Variants in ASRGL1 observed in about 807,000 individuals in gnomAD.
The protein encoded by ASRGL1 is isoaspartyl peptidase/L-asparaginase.
ASRGL1 carries 16 observed loss-of-function variants against 22.4 expected under a neutral mutation model. The observed-to-expected ratio is 0.71, with a 90% confidence interval of 0.48 to 1.08. The LOEUF (loss-of-function observed/expected upper bound fraction) is 1.08. Ranked by LOEUF, ASRGL1 falls within the 50% of genes least tolerant of loss-of-function variation. ASRGL1 has a pLI of 0.00. For missense variants in ASRGL1, 412 were observed against 410.1 expected, an observed-to-expected ratio of 1.00 and a Z score of -0.04; for synonymous variants, 165 against 159.3, an observed-to-expected ratio of 1.04 and a Z score of -0.27.
At chr11:62,375,084 G>A (rs1946878357) in intron 4 of ASRGL1, among the ~76,000 whole-genome samples, 1 of 152,006 alleles carries the variant, frequency 6.6e-6, no homozygotes, top group Non-Finnish European at 1.5e-5. Flanking sequence ...AAACCCGGCA[G>A]CCAGCCTCTT....
rs1035114953 is a variant in ASRGL1, at chr11:62,371,596, A to G, written c.491+14452A>G. The G allele has an allele frequency of 1.6e-5, 11 of 671,862 alleles. No homozygotes were observed. The African/African-American group carries it at 1.8e-4, about 11-fold the overall frequency. 41.6% of individuals were successfully genotyped at this position (671,862 alleles called of 1,614,324 possible). A position where few individuals can be genotyped will look rare whatever the true frequency, so the allele number is the denominator to read the frequency against. ...GGAAGGCCACAGGGACTTCCTCACA[A>G]AGTGCAAAGGGGAGCTTTTGATTTT... On this transcript the variant is annotated intron_variant, in intron 4 of 6. Transcript: ENST00000415229.
At chr11:62,378,632 G>A (rs1946988432) in intron 4 of ASRGL1, among the ~76,000 whole-genome samples, 1 of 152,188 alleles carries the variant, frequency 6.6e-6, no homozygotes, top group Non-Finnish European at 1.5e-5. Flanking sequence ...GGCCCCATGG[G>A]TTGAATTACG....
intron 4 of ASRGL1, among the ~76,000 whole-genome samples, chr11:62,362,846 C>CACACACACA (rs1555003175): frequency 6.4e-5 from 2 of 31,118 alleles, no homozygotes; most frequent in Admixed American, 4.0e-4. Context: ...ACACACACAT[C>CACACACACA]CATATAAATA....
At chr11:62,387,000 C>G (rs541815027) in intron 4 of ASRGL1, among the ~76,000 whole-genome samples, 15 of 151,758 alleles carry the variant, frequency 9.9e-5, no homozygotes, top group South Asian at 4.2e-4. Flanking sequence ...TCAAGCGATT[C>G]TTCTGCCTCA....
intron 4 of ASRGL1, among the ~76,000 whole-genome samples, chr11:62,359,154 A>G (rs1946374089): frequency 6.6e-6 from 1 of 152,194 alleles, no homozygotes; most frequent in African/African-American, 2.4e-5. Context: ...GAACAGCACC[A>G]TCCAGTAGAA....
the ASRGL1 span, among the ~76,000 whole-genome samples, chr11:62,398,589 C>A: frequency 6.6e-6 from 1 of 152,184 alleles, no homozygotes; most frequent in Non-Finnish European, 1.5e-5. Context: ...CCAAGTATTT[C>A]ATCTTTTTTA....
In ASRGL1 at chr11:62,392,594, A is replaced by T. The variant is rs1947369205; in HGVS notation, c.*310A>T. The T allele has an allele frequency of 2.5e-6, 1 of 392,214 alleles. No homozygotes were observed. The highest frequency in any genetic ancestry group is 5.5e-5 in the East Asian group (1 of 18,108). The allele number at this position is 392,214 out of a possible 1,614,324, so 24.3% of individuals were successfully genotyped here. A position where few individuals can be genotyped will look rare whatever the true frequency, so the allele number is the denominator to read the frequency against. ...AAAAAAAAAAAAAAAAAGAAAAGGG[A>T]AAAAAGAAAGAAAGCAGCAGCATGA... On this transcript the variant is annotated 3_prime_UTR_variant, in exon 7 of 7. Coordinates refer to ENST00000415229, the MANE Select transcript of ASRGL1 (RefSeq NM_001083926.2).
intron 2 of ASRGL1, among the ~76,000 whole-genome samples, chr11:62,351,034 A>T (rs968472159): frequency 1.3e-5 from 2 of 151,986 alleles, no homozygotes; most frequent in African/African-American, 4.8e-5. Flanking sequence ...CTTTATATAG[A>T]TTTTTTAGCT....
At chr11:62,369,074 C>G (rs1946693205) in intron 4 of ASRGL1, among the ~76,000 whole-genome samples, 2 of 152,120 alleles carry the variant, frequency 1.3e-5, no homozygotes, top group Admixed American at 1.3e-4. Flanking sequence ...CTTTCCCTTC[C>G]CACGAGGCCA....
At chr11:62,353,785 T>C (rs923043930) in intron 2 of ASRGL1, among the ~76,000 whole-genome samples, 4 of 152,214 alleles carry the variant, frequency 2.6e-5, no homozygotes, top group Non-Finnish European at 4.4e-5. Flanking sequence ...CTAGACATTT[T>C]GCATATTATG....
intron 4 of ASRGL1, among the ~76,000 whole-genome samples, chr11:62,362,482 A>ATATAATATATATTATATAAAATATG (rs1946460515): frequency 1.2e-5 from 1 of 83,298 alleles, no homozygotes; most frequent in Non-Finnish European, 2.2e-5. Flanking sequence ...TATAAAATAT[A>ATATAATATATATTATATAAAATATG]TATAATATAT....
chr11:62,385,087 C>T (rs1947171015), intron 4 of ASRGL1, among the ~76,000 whole-genome samples: 1 of 150,066 alleles, frequency 6.7e-6, no homozygotes, highest in Admixed American at 6.6e-5. Flanking sequence ...GCCATGGCCC[C>T]TTGCAAATGT....
intron 2 of ASRGL1, among the ~76,000 whole-genome samples, chr11:62,346,203 C>G (rs1271538598): frequency 6.6e-6 from 1 of 152,070 alleles, no homozygotes; most frequent in Non-Finnish European, 1.5e-5. Context: ...ACTCCCTCCT[C>G]GAATTCAGTT....
At chr11:62,344,600 T>G (rs1264707590) in intron 2 of ASRGL1, among the ~76,000 whole-genome samples, 1 of 152,054 alleles carries the variant, frequency 6.6e-6, no homozygotes, top group African/African-American at 2.4e-5. Flanking sequence ...ATTTTTGGTT[T>G]TTTTTTTTTG....
At position 62,373,110 on chromosome 11, in the gene ASRGL1, G is replaced by C. The variant is rs144948071; in HGVS notation, c.491+15966G>C. 6.1e-4 allele frequency: 888 copies of C among 1,466,522 alleles called. 12 individuals are homozygous for C. The East Asian group carries it at 0.016, about 26-fold the overall frequency. 90.8% of individuals were successfully genotyped at this position (1,466,522 alleles called of 1,614,324 possible). ...CTCACACTCCTTGGTGATAGCAAGA[G>C]ATGAAAGTGAAACTGAGAAAGAAAA... is the stretch of plus-strand genomic sequence containing the variant. On this transcript the variant is annotated intron_variant, in intron 4 of 6. Coordinates refer to ENST00000415229, the MANE Select transcript of ASRGL1 (RefSeq NM_001083926.2).
intron 2 of ASRGL1, among the ~76,000 whole-genome samples, chr11:62,353,344 T>TC: frequency 3.9e-5 from 1 of 25,732 alleles, no homozygotes; most frequent in East Asian, 1.7e-3. Context: ...TTTATGATGC[T>TC]TTTTTTTTTT....
At chr11:62,362,223 C>A (rs1250672739) in intron 4 of ASRGL1, among the ~76,000 whole-genome samples, 1 of 151,682 alleles carries the variant, frequency 6.6e-6, no homozygotes, top group Non-Finnish European at 1.5e-5. Context: ...GATGGAATAT[C>A]TTGACTAAAC....
chr11:62,389,072 T>C, intron 4 of ASRGL1, 61 bp from the exon 5 acceptor site: 1 of 1,406,466 alleles, frequency 7.1e-7, no homozygotes, highest in Non-Finnish European at 1.0e-6. Flanking sequence ...AGGTACATTG[T>C]TGGTTATGGT....
intron 2 of ASRGL1, among the ~76,000 whole-genome samples, chr11:62,355,829 G>A (rs987219121): frequency 1.2e-4 from 19 of 152,158 alleles, no homozygotes; most frequent in South Asian, 4.1e-4. Flanking sequence ...GACTCTTAAC[G>A]AGCATGCTGC....
Sources: gnomAD v4.1 joint callset for allele counts (sites outside exome capture counted in the v4.1 genomes callset) on GRCh38, gnomAD v4.1.1 for gene constraint, MANE v1.5 for transcripts, NCBI Gene and HGNC (gene_info 2026-07-23, HGNC 2026-07-21) for gene names.